TARBP1: variants seen among roughly 807,000 people sequenced by gnomAD.
TARBP1 encodes tRNA (guanosine(18)-2'-O)-methyltransferase TARBP1.
In TARBP1, 144 loss-of-function variants were observed where a neutral mutation model predicts 178.6. The observed-to-expected ratio is 0.81, with a 90% CI of 0.70 to 0.93. The LOEUF (loss-of-function observed/expected upper bound fraction) is 0.93, where lower values mean the gene tolerates loss of function less well. TARBP1 is among the 40% of genes least tolerant of loss of function. The pLI, the probability that TARBP1 is intolerant of heterozygous loss-of-function variation, is 0.00. For synonymous variants in TARBP1, 787 were observed against 781.0 expected (o/e 1.01, Z -0.13); for missense variants, 2,067 against 2,011.7 (o/e 1.03, Z -0.53).
chr1:234,474,201 G>A (rs908490370), intron 1 of TARBP1, among the ~76,000 whole-genome samples: 15 of 149,440 alleles, frequency 1.0e-4, no homozygotes, highest in South Asian at 2.1e-4. Context: ...CTATAATCAC[G>A]CCACTGCACC....
chr1:234,464,405 A>T (rs996535354), intron 5 of TARBP1, among the ~76,000 whole-genome samples: 4 of 152,182 alleles, frequency 2.6e-5, no homozygotes, highest in Non-Finnish European at 5.9e-5. Flanking sequence ...CTAAAGTCAC[A>T]TTTTTTCTGC....
intron 4 of TARBP1, 85 bp from the exon 5 acceptor site, chr1:234,465,793 T>TTCTGA: frequency 8.1e-7 from 1 of 1,240,464 alleles, no homozygotes. Flanking sequence ...TTGAACATCC[T>TTCTGA]ACACAGGCTT....
chr1:234,398,640 T>C (rs1660385260), intron 25 of TARBP1, 87 bp from the exon 26 acceptor site: 5 of 1,022,418 alleles, frequency 4.9e-6, no homozygotes, highest in Non-Finnish European at 6.7e-6. Context: ...TAATTATTAA[T>C]GATATATTCT....
chr1:234,454,786 C>T (rs1404502237), intron 9 of TARBP1, among the ~76,000 whole-genome samples: 1 of 152,110 alleles, frequency 6.6e-6, no homozygotes, highest in Non-Finnish European at 1.5e-5. Flanking sequence ...TATGGTAGGC[C>T]CAAAGATACC....
Position 234,391,425 on chromosome 1 carries a change from ATGTT to A in TARBP1, c.*148_*151del. 1.6e-6 allele frequency: 1 copy of A among 615,918 alleles called. No homozygotes were observed. The highest frequency in any genetic ancestry group is 4.1e-5 in the South Asian group (1 of 24,420). The allele number at this position is 615,918 out of a possible 1,614,324, so 38.2% of individuals were successfully genotyped here. A position where few individuals can be genotyped will look rare whatever the true frequency, so the allele number is the denominator to read the frequency against. ...ATTAAAGGGGAAAATATATAGTAAT[ATGTT>A]TAAGGCACATGGCAAACTTTTGGCA... On this transcript the variant is annotated 3_prime_UTR_variant, in exon 30 of 30. Transcript: ENST00000040877.
intron 17 of TARBP1, 102 bp downstream of exon 17, chr1:234,429,034 T>C (rs1664099651): frequency 9.1e-7 from 1 of 1,103,932 alleles, no homozygotes; most frequent in Middle Eastern, 2.4e-4. Flanking sequence ...ACTGAAGGAA[T>C]AAAGAGCCAA....
rs148509014 is a variant in TARBP1, at chr1:234,445,381, T to C, written c.2134+1422A>G. 2.6e-5 allele frequency among the ~76,000 whole-genome samples: 4 copies of C among 152,296 alleles called. No homozygotes were observed. In the East Asian group the frequency reaches 7.7e-4, roughly 29 times the overall value. ...ACTTTAAATACCACCTGTATGTTAA[T>C]GGCTCCCAAATTTCTATCTCTAACT... On this transcript the variant is annotated intron_variant, in intron 12 of 29. Transcript: ENST00000040877.
chr1:234,406,784 T>C (rs1177705123), intron 23 of TARBP1: 1 of 152,190 alleles, frequency 6.6e-6, no homozygotes, highest in Non-Finnish European at 1.5e-5. Context: ...TCAAAGGAAG[T>C]GACATATACT....
At chr1:234,455,792 A>G (rs989528025) in intron 9 of TARBP1, among the ~76,000 whole-genome samples, 3 of 152,196 alleles carry the variant, frequency 2.0e-5, no homozygotes, top group South Asian at 2.1e-4. Flanking sequence ...TGCAGTAGGT[A>G]TAACAACTTG....
At chr1:234,396,068 C>G (rs1659903092) in intron 26 of TARBP1, among the ~76,000 whole-genome samples, 1 of 152,044 alleles carries the variant, frequency 6.6e-6, no homozygotes, top group African/African-American at 2.4e-5. Flanking sequence ...TGAAGTAAAA[C>G]TTCTTTAAAA....
In TARBP1 at chr1:234,446,974, C is replaced by T. The variant is rs139816698; in HGVS notation, c.1963G>A (p.Gly655Arg). 0.027 allele frequency: 43,177 copies of T among 1,611,732 alleles called. 820 individuals are homozygous for T. Among genetic ancestry groups the T allele is most frequent in the South Asian group, 0.064 (5,815 of 90,706 alleles). The change falls in exon 12 of 30, where the codon GGA becomes AGA. Residue 655 changes from glycine (G) to arginine (R), a missense_variant and splice_region_variant. Physicochemically the swap from Gly to Arg is moderately radical, Grantham distance 125. Transcript: ENST00000040877. ...AATACATTCTCTGTTCTCTGCTTTCCGCTAGACATTAAAAGACATGCCAAA... is the reference window on the plus strand; with the variant it reads ...AATACATTCTCTGTTCTCTGCTTTCTGCTAGACATTAAAAGACATGCCAAA... ...DVEGMKTQYS[G>R]KQRTENVLRI... is the part of the protein sequence containing the mutation.
At chr1:234,418,297 A>G (rs774652250) in intron 21 of TARBP1, 64 bp from the exon 22 acceptor site, 11 of 1,396,202 alleles carry the variant, frequency 7.9e-6, no homozygotes, top group African/African-American at 1.5e-5. Context: ...AATAGTCTCC[A>G]TTTAAAATAA....
At chr1:234,437,842 G>A (rs1237211825) in intron 12 of TARBP1, among the ~76,000 whole-genome samples, 1 of 152,226 alleles carries the variant, frequency 6.6e-6, no homozygotes, top group Non-Finnish European at 1.5e-5. Flanking sequence ...CTCCAGGAGA[G>A]CAGACAGTGA....
Position 234,425,853 on chromosome 1 carries a change from A to T in TARBP1, c.3324-60T>A. ...TTTTGAAAACAGAAAATTAACATCA[A>T]ATATTAGTTTCAAATATCATTACAC... is the stretch of plus-strand genomic sequence containing the variant. On this transcript the variant is annotated intron_variant, in intron 19 of 29. Transcript: ENST00000040877. The T allele has an allele frequency of 3.0e-6, 4 of 1,317,138 alleles. No homozygotes were observed. The East Asian group carries it at 1.0e-4, about 33-fold the overall frequency. The allele number at this position is 1,317,138 out of a possible 1,614,324, so 81.6% of individuals were successfully genotyped here.
At chr1:234,457,066 G>C (rs1667352472) in intron 9 of TARBP1, among the ~76,000 whole-genome samples, 1 of 152,180 alleles carries the variant, frequency 6.6e-6, no homozygotes, top group African/African-American at 2.4e-5. Context: ...TGGCCCTGAA[G>C]AGTCCTGAGG....
intron 12 of TARBP1, among the ~76,000 whole-genome samples, chr1:234,438,054 A>G (rs2103165380): frequency 6.6e-6 from 1 of 152,334 alleles, no homozygotes; most frequent in South Asian, 2.1e-4. Context: ...GCATGGGTCC[A>G]AAGAGCATGG....
chr1:234,424,127 A>C (rs1663436863), intron 20 of TARBP1, among the ~76,000 whole-genome samples: 1 of 152,240 alleles, frequency 6.6e-6, no homozygotes, highest in South Asian at 2.1e-4. Context: ...AGAAAATAAA[A>C]GTATGATGAA....
Position 234,457,679 on chromosome 1 carries a change from T to C in TARBP1, c.1710A>G (p.Ser570=). 6.2e-7 allele frequency: 1 copy of C among 1,606,816 alleles called. No homozygotes were observed. The highest frequency in any genetic ancestry group is 2.2e-5 in the East Asian group (1 of 44,616). The change falls in exon 9 of 30, where the codon TCA becomes TCG. Residue 570 remains serine (S), a synonymous_variant. Transcript: ENST00000040877. ...TCTTTAATCTCACCTCTGTCCACAA[T>C]GAAGTTCCTCGTCCTAAGGATTCCT... ...RQEESLGRGT[S]LWTELCDWLR...
At chr1:234,432,758 C>T (rs1453237443) in intron 14 of TARBP1, among the ~76,000 whole-genome samples, 4 of 152,114 alleles carry the variant, frequency 2.6e-5, no homozygotes, top group Middle Eastern at 3.4e-3. Flanking sequence ...GTGGCTGCAA[C>T]GTCACGGCAC....
Sources: allele counts gnomAD v4.1 joint callset (sites outside exome capture counted in the v4.1 genomes callset), GRCh38; gene constraint gnomAD v4.1.1; transcripts MANE v1.5; gene names NCBI Gene and HGNC (gene_info 2026-07-23, HGNC 2026-07-21).